Variants in PCDH15 observed in about 807,000 individuals in gnomAD.
PCDH15 encodes protocadherin related 15.
Under a neutral mutation model 178.5 loss-of-function variants are expected in PCDH15, and 129 were observed. The ratio of observed to expected loss-of-function variants is 0.72; its 90% CI spans 0.63 to 0.84. The LOEUF (loss-of-function observed/expected upper bound fraction) is 0.84, where lower values mean the gene tolerates loss of function less well. Ranked by LOEUF, PCDH15 falls within the 40% of genes least tolerant of loss-of-function variation. The pLI is 0.00. For synonymous variants in PCDH15, 800 were observed against 732.0 expected (o/e 1.09, Z -1.50); for missense variants, 2,230 against 2,099.9 (o/e 1.06, Z -1.21).
At chr10:55,211,540 CT>C (rs1163604238) in intron 1 of PCDH15, among the ~76,000 whole-genome samples, 1 of 152,090 alleles carries the variant, frequency 6.6e-6, no homozygotes, top group Non-Finnish European at 1.5e-5. Flanking sequence ...CAGTTCAATA[CT>C]GATTACTTTT....
chr10:53,981,337 T>C (rs1246754984), intron 21 of PCDH15, among the ~76,000 whole-genome samples: 1 of 152,206 alleles, frequency 6.6e-6, no homozygotes, highest in African/African-American at 2.4e-5. Flanking sequence ...CAGAAGGTAA[T>C]TGCATACCTG....
At chr10:54,809,600 T>C (rs866452126) in intron 3 of PCDH15, among the ~76,000 whole-genome samples, 2 of 152,174 alleles carry the variant, frequency 1.3e-5, no homozygotes, top group Non-Finnish European at 2.9e-5. Context: ...CCTCATCTTA[T>C]CTCAATCCAT....
chr10:55,396,953 C>T (rs1163611821), intron 2 of PCDH15, among the ~76,000 whole-genome samples: 1 of 152,146 alleles, frequency 6.6e-6, no homozygotes, highest in Non-Finnish European at 1.5e-5. Flanking sequence ...TAGAGGCAGG[C>T]TGGCACTGAA....
intron 13 of PCDH15, among the ~76,000 whole-genome samples, chr10:54,179,225 A>G (rs1443392815): frequency 6.8e-6 from 1 of 146,750 alleles, no homozygotes; most frequent in Non-Finnish European, 1.5e-5. Flanking sequence ...ACACCATGGA[A>G]TACTATGCAG....
At chr10:55,185,713 C>T (rs1374855974) in intron 1 of PCDH15, among the ~76,000 whole-genome samples, 1 of 151,474 alleles carries the variant, frequency 6.6e-6, no homozygotes, top group Non-Finnish European at 1.5e-5. Flanking sequence ...AACAGAACAC[C>T]TTGACAGGTT....
At chr10:54,143,725 A>G (rs1290782199) in intron 14 of PCDH15, among the ~76,000 whole-genome samples, 4 of 152,070 alleles carry the variant, frequency 2.6e-5, no homozygotes, top group African/African-American at 9.7e-5. Flanking sequence ...TCTACTTATA[A>G]GCTTTAAGTT....
At chr10:54,457,350 A>G (rs1188856738) in intron 3 of PCDH15, among the ~76,000 whole-genome samples, 1 of 152,162 alleles carries the variant, frequency 6.6e-6, no homozygotes, top group East Asian at 1.9e-4. Context: ...CCCATAATGT[A>G]ATGTACTGTT....
chr10:54,514,139 TA>T (rs1354752430), intron 3 of PCDH15, among the ~76,000 whole-genome samples: 3 of 152,248 alleles, frequency 2.0e-5, no homozygotes, highest in Non-Finnish European at 4.4e-5. Context: ...TTCTTTTACA[TA>T]TTGTTAAAAT....
chr10:55,131,362 A>G (rs1016786433), intron 2 of PCDH15, among the ~76,000 whole-genome samples: 1 of 152,172 alleles, frequency 6.6e-6, no homozygotes, highest in African/African-American at 2.4e-5. Context: ...GCAGAGCCCC[A>G]AAGAGGGTGT....
intron 32 of PCDH15, chr10:53,821,272 TATC>T (rs1216287901): frequency 1.0e-6 from 1 of 985,262 alleles, no homozygotes; most frequent in Non-Finnish European, 1.2e-6. Flanking sequence ...AAGATGTTCT[TATC>T]AGAAAACAGA....
intron 2 of PCDH15, among the ~76,000 whole-genome samples, chr10:55,012,879 G>A (rs1363549304): frequency 6.6e-6 from 1 of 151,910 alleles, no homozygotes; most frequent in Non-Finnish European, 1.5e-5. Flanking sequence ...TATGACTCTA[G>A]TCCAGACTTT....
chr10:54,756,952 T>C (rs1320522600), intron 1 of PCDH15, among the ~76,000 whole-genome samples: 2 of 152,174 alleles, frequency 1.3e-5, no homozygotes, highest in Non-Finnish European at 2.9e-5. Context: ...GATTAGTATT[T>C]GGACTTCCTA....
chr10:54,025,556 T>C (rs2093057793), intron 18 of PCDH15, among the ~76,000 whole-genome samples: 1 of 150,974 alleles, frequency 6.6e-6, no homozygotes, highest in Non-Finnish European at 1.5e-5. Flanking sequence ...TGGAGTGCAG[T>C]GGTGCGATCT....
At chr10:54,932,340 A>G (rs1190646348) in intron 2 of PCDH15, among the ~76,000 whole-genome samples, 1 of 152,210 alleles carries the variant, frequency 6.6e-6, no homozygotes, top group Non-Finnish European at 1.5e-5. Flanking sequence ...TTTGTGGCTT[A>G]ATTTTTATAT....
intron 1 of PCDH15, among the ~76,000 whole-genome samples, chr10:54,735,023 A>T (rs949878133): frequency 6.6e-6 from 1 of 152,008 alleles, no homozygotes; most frequent in African/African-American, 2.4e-5. Context: ...ATTCAGTTAA[A>T]ATCATTAAAC....
At chr10:55,464,888 G>A (rs887597098) in intron 2 of PCDH15, among the ~76,000 whole-genome samples, 2 of 132,780 alleles carry the variant, frequency 1.5e-5, no homozygotes, top group African/African-American at 5.9e-5. Flanking sequence ...GGGTAATGTG[G>A]TGATGCTTAA....
chr10:54,010,445 C>A (rs1281822685), intron 20 of PCDH15, among the ~76,000 whole-genome samples: 1 of 152,118 alleles, frequency 6.6e-6, no homozygotes, highest in Non-Finnish European at 1.5e-5. Context: ...ATTCCTGTTG[C>A]CCTCAGGCTC....
intron 1 of PCDH15, among the ~76,000 whole-genome samples, chr10:55,258,800 T>C (rs2132232641): frequency 6.6e-6 from 1 of 150,976 alleles, no homozygotes; most frequent in Admixed American, 6.6e-5. Context: ...TATTGACCTT[T>C]CTGGTCTGAA....
At chr10:53,814,236 A>AAAT (rs1483588138) in intron 35 of PCDH15, among the ~76,000 whole-genome samples, 1 of 152,198 alleles carries the variant, frequency 6.6e-6, no homozygotes, top group African/African-American at 2.4e-5. Context: ...GATACTGAGA[A>AAAT]AATAACTTCA....
Sources: allele counts gnomAD v4.1 joint callset (sites outside exome capture counted in the v4.1 genomes callset), GRCh38; gene constraint gnomAD v4.1.1; transcripts MANE v1.5; gene names NCBI Gene and HGNC (gene_info 2026-07-23, HGNC 2026-07-21).